The following UNC13C variants were observed in gnomAD, a reference collection of about 807,000 sequenced individuals.
UNC13C encodes protein unc-13 homolog C.
A neutral mutation model predicts 245.4 loss-of-function variants in UNC13C; 174 were observed. The ratio of observed to expected loss-of-function variants is 0.71; its 90% CI spans 0.63 to 0.80. UNC13C has a LOEUF of 0.80. UNC13C is among the 30% of genes least tolerant of loss of function. The pLI is 0.00. For missense variants in UNC13C, 2,829 were observed against 2,602.9 expected, an observed-to-expected ratio of 1.09 and a Z score of -1.89; for synonymous variants, 992 against 895.1, an observed-to-expected ratio of 1.11 and a Z score of -1.93.
the UNC13C span, among the ~76,000 whole-genome samples, chr15:53,857,409 A>G: frequency 6.6e-6 from 1 of 152,238 alleles, no homozygotes; most frequent in Non-Finnish European, 1.5e-5. Flanking sequence ...GGCACAAGGC[A>G]GAACACAAAT....
rs79920176 is a variant in UNC13C, at chr15:54,380,840, C to T, written c.4714-12208C>T. ...CCTTGCTATTGAGTTGTTTGAATGT[C>T]TTACAAATTTTGGGTAGTAACTCCT... On this transcript the variant is annotated intron_variant, in intron 17 of 32. Transcript: ENST00000260323. 6.2e-3 allele frequency among the ~76,000 whole-genome samples: 937 copies of T among 152,164 alleles called. 15 individuals are homozygous for T. The highest frequency in any genetic ancestry group is 0.022 in the African/African-American group (905 of 41,524).
intron 17 of UNC13C, among the ~76,000 whole-genome samples, chr15:54,356,739 CA>C (rs1322320284): frequency 6.6e-6 from 1 of 152,100 alleles, no homozygotes; most frequent in East Asian, 1.9e-4. Context: ...AGCAATAAAA[CA>C]TATGATTTTT....
chr15:54,503,107 G>A (rs1051407377), intron 22 of UNC13C, among the ~76,000 whole-genome samples: 1 of 152,086 alleles, frequency 6.6e-6, no homozygotes, highest in African/African-American at 2.4e-5. Flanking sequence ...GTATTACTGA[G>A]GAGATGTGTG....
intron 2 of UNC13C, among the ~76,000 whole-genome samples, chr15:54,086,284 G>A (rs1899234313): frequency 6.6e-6 from 1 of 152,082 alleles, no homozygotes; most frequent in South Asian, 2.1e-4. Flanking sequence ...CCTATATTTT[G>A]CATTCCAGTT....
At chr15:53,919,762 C>T in the UNC13C span, among the ~76,000 whole-genome samples, 1 of 152,164 alleles carries the variant, frequency 6.6e-6, no homozygotes, top group African/African-American at 2.4e-5. Flanking sequence ...GTTCTTTACA[C>T]TGGAAAATAT....
At chr15:53,992,963 T>C (rs10220717) in intron 1 of UNC13C, among the ~76,000 whole-genome samples, 4,621 of 152,130 alleles carry the variant, frequency 0.03, 158 homozygotes, top group African/African-American at 0.084. Context: ...TGATATCCCA[T>C]CCCAGTCTAC....
chr15:53,935,728 C>G, the UNC13C span, among the ~76,000 whole-genome samples: 1 of 152,124 alleles, frequency 6.6e-6, no homozygotes, highest in African/African-American at 2.4e-5. Flanking sequence ...CAGAAGAGCC[C>G]CCACCCTCAG....
At chr15:54,197,813 G>A (rs1051352256) in intron 4 of UNC13C, among the ~76,000 whole-genome samples, 8 of 152,098 alleles carry the variant, frequency 5.3e-5, no homozygotes, top group African/African-American at 1.7e-4. Flanking sequence ...TAGGAAAGTC[G>A]AGAGAGTTCA....
chr15:54,553,359 A>G (rs1896944386), intron 28 of UNC13C, among the ~76,000 whole-genome samples: 2 of 126,104 alleles, frequency 1.6e-5, no homozygotes, highest in African/African-American at 6.0e-5. Flanking sequence ...AATATATAAT[A>G]TAATATATAA....
At chr15:54,287,014 C>T (rs924642800) in intron 10 of UNC13C, among the ~76,000 whole-genome samples, 6 of 152,094 alleles carry the variant, frequency 3.9e-5, no homozygotes, top group South Asian at 2.1e-4. Context: ...TTGGCTCTAG[C>T]AGTACTTTAT....
chr15:53,906,400 A>T, the UNC13C span, among the ~76,000 whole-genome samples: 2 of 152,346 alleles, frequency 1.3e-5, no homozygotes, highest in African/African-American at 2.4e-5. Context: ...GACTATTTGC[A>T]TTCCTGCCTG....
At chr15:54,351,348 T>C (rs982362783) in intron 17 of UNC13C, among the ~76,000 whole-genome samples, 2 of 152,212 alleles carry the variant, frequency 1.3e-5, no homozygotes, top group African/African-American at 4.8e-5. Flanking sequence ...TGGATTCTGA[T>C]ATTCTATTTA....
At chr15:54,189,773 T>C (rs2034118576) in intron 4 of UNC13C, among the ~76,000 whole-genome samples, 1 of 152,104 alleles carries the variant, frequency 6.6e-6, no homozygotes, top group Admixed American at 6.6e-5. Flanking sequence ...TCAGATCAAG[T>C]TTCCATAAAG....
chr15:54,050,527 G>A (rs1897232865), intron 2 of UNC13C: 3 of 486,002 alleles, frequency 6.2e-6, no homozygotes, highest in Non-Finnish European at 1.2e-5. Flanking sequence ...TAATGCTGTT[G>A]CTTCATCATT....
chr15:54,183,001 C>T (rs758326892), intron 4 of UNC13C, among the ~76,000 whole-genome samples: 10 of 151,506 alleles, frequency 6.6e-5, no homozygotes, highest in East Asian at 3.9e-4. Flanking sequence ...CTTTAGTAAG[C>T]GAGTATTCAT....
intron 19 of UNC13C, among the ~76,000 whole-genome samples, chr15:54,457,851 AT>A (rs1255842401): frequency 1.1e-5 from 1 of 92,450 alleles, no homozygotes; most frequent in Non-Finnish European, 2.3e-5. Flanking sequence ...TATCTTTTCT[AT>A]TTTTTTGTTT....
At chr15:53,958,934 C>G in the UNC13C span, among the ~76,000 whole-genome samples, 1 of 152,134 alleles carries the variant, frequency 6.6e-6, no homozygotes, top group African/African-American at 2.4e-5. Context: ...TAAGCAACCT[C>G]TCTTCCTACT....
At chr15:54,099,101 A>T (rs1305934834) in intron 2 of UNC13C, among the ~76,000 whole-genome samples, 2 of 152,212 alleles carry the variant, frequency 1.3e-5, no homozygotes. Context: ...TGTTGATATC[A>T]CTTGATGAGC....
chr15:54,151,123 A>C (rs1481302478), intron 4 of UNC13C, among the ~76,000 whole-genome samples: 1 of 152,110 alleles, frequency 6.6e-6, no homozygotes, highest in African/African-American at 2.4e-5. Flanking sequence ...TTTGACTATT[A>C]CCCACGGTTG....
Sources: gnomAD v4.1 joint callset for allele counts (sites outside exome capture counted in the v4.1 genomes callset) on GRCh38, gnomAD v4.1.1 for gene constraint, MANE v1.5 for transcripts, NCBI Gene and HGNC (gene_info 2026-07-23, HGNC 2026-07-21) for gene names.